SERPINI1: variants seen among roughly 807,000 people sequenced by gnomAD.
The protein encoded by SERPINI1 is neuroserpin.
A neutral mutation model predicts 41.1 loss-of-function variants in SERPINI1; 19 were observed. The observed-to-expected ratio is 0.46, with a 90% CI of 0.32 to 0.68. The LOEUF is 0.68. Among genes scored for constraint, SERPINI1 ranks in the 30% least tolerant of loss-of-function variants. The pLI is 0.03. For synonymous variants in SERPINI1, 138 were observed against 156.6 expected (o/e 0.88, Z 0.89); for missense variants, 460 against 479.2 (o/e 0.96, Z 0.37).
intron 5 of SERPINI1, among the ~76,000 whole-genome samples, chr3:167,796,009 A>G (rs916347956): frequency 6.6e-6 from 1 of 152,160 alleles, no homozygotes; most frequent in Non-Finnish European, 1.5e-5. Context: ...TTGTTCAAGT[A>G]TGATTAATTA....
intron 1 of SERPINI1, among the ~76,000 whole-genome samples, chr3:167,763,377 G>A (rs536876337): frequency 1.4e-5 from 2 of 143,650 alleles, no homozygotes; most frequent in East Asian, 2.0e-4. Context: ...GTGTGTGTGT[G>A]TATGTGTGTG....
At chr3:167,766,332 G>A (rs1161205819) in intron 1 of SERPINI1, among the ~76,000 whole-genome samples, 1 of 152,092 alleles carries the variant, frequency 6.6e-6, no homozygotes, top group Non-Finnish European at 1.5e-5. Flanking sequence ...TATATGGATG[G>A]CAGCAGGCAA....
chr3:167,789,860 T>G (rs1397955585), intron 2 of SERPINI1, among the ~76,000 whole-genome samples: 1 of 152,168 alleles, frequency 6.6e-6, no homozygotes, highest in Non-Finnish European at 1.5e-5. Context: ...GGGGGAAATT[T>G]CTAGCCTAAT....
chr3:167,806,845 A>T (rs926718700), intron 5 of SERPINI1, among the ~76,000 whole-genome samples: 12 of 139,612 alleles, frequency 8.6e-5, no homozygotes, highest in African/African-American at 3.2e-4. Flanking sequence ...ATGATTAGTC[A>T]TCTCCAGCTT....
In SERPINI1 at chr3:167,771,856, C is replaced by T. The variant is rs531842810; in HGVS notation, c.-18-17255C>T. Among the ~76,000 whole-genome samples, 62 of 152,276 alleles carry T rather than the reference C, an allele frequency of 4.1e-4. No individual in the cohort carries two copies. The East Asian group carries it at 4.4e-3, about 11-fold the overall frequency. ...GCGCGTGTGTGTGTGTGCGCGCACG[C>T]GCACGCACATGCACACATGGAATTT... On this transcript the variant is annotated intron_variant, in intron 1 of 8. Transcript: ENST00000446050.
chr3:167,778,799 GAGTT>G (rs773165599), intron 1 of SERPINI1, among the ~76,000 whole-genome samples: 12 of 152,194 alleles, frequency 7.9e-5, no homozygotes, highest in Non-Finnish European at 1.5e-4. Flanking sequence ...AACAAGAAAG[GAGTT>G]AGTCTGGGGA....
At chr3:167,755,104 C>T (rs771693194) in intron 1 of SERPINI1, among the ~76,000 whole-genome samples, 1 of 152,168 alleles carries the variant, frequency 6.6e-6, no homozygotes, top group Non-Finnish European at 1.5e-5. Flanking sequence ...ACAATCCTAC[C>T]AGGTTACTGG....
chr3:167,816,661 G>A (rs919570485), intron 6 of SERPINI1, among the ~76,000 whole-genome samples: 29 of 152,254 alleles, frequency 1.9e-4, no homozygotes, highest in African/African-American at 6.7e-4. Context: ...GAAGAGGGAA[G>A]CATCAGTGCA....
chr3:167,751,675 T>C (rs928698025), intron 1 of SERPINI1, among the ~76,000 whole-genome samples: 3 of 152,128 alleles, frequency 2.0e-5, no homozygotes, highest in Admixed American at 1.3e-4. Context: ...ATTTTCAGGC[T>C]GTCAACTCAA....
chr3:167,811,694 A>G (rs993728735), intron 6 of SERPINI1, among the ~76,000 whole-genome samples: 4 of 152,032 alleles, frequency 2.6e-5, no homozygotes, highest in Non-Finnish European at 5.9e-5. Context: ...TAAAATTGTT[A>G]CTTAAAAATT....
intron 1 of SERPINI1, among the ~76,000 whole-genome samples, chr3:167,740,876 T>C (rs1725657554): frequency 6.6e-6 from 1 of 152,218 alleles, no homozygotes; most frequent in Non-Finnish European, 1.5e-5. Flanking sequence ...CCCTACACGA[T>C]TTCCATTACT....
chr3:167,770,565 AT>A (rs986944032), intron 1 of SERPINI1, among the ~76,000 whole-genome samples: 11 of 151,946 alleles, frequency 7.2e-5, no homozygotes, highest in Admixed American at 5.9e-4. Context: ...AATTAGTCTA[AT>A]TTTTTTAAAG....
intron 1 of SERPINI1, among the ~76,000 whole-genome samples, chr3:167,779,273 C>G (rs968333977): frequency 6.6e-6 from 1 of 152,050 alleles, no homozygotes; most frequent in African/African-American, 2.4e-5. Flanking sequence ...CATACAAATG[C>G]AAAACGAACA....
In SERPINI1 at chr3:167,792,585, A is replaced by G. The variant is rs1382961035; in HGVS notation, c.482-5A>G. ...ATTTTTATCTATTCATTTTTTCCTA[A>G]ATAGATCTGGTGAAAGATTTGGTAT... On this transcript the variant is annotated splice_polypyrimidine_tract_variant and splice_region_variant and intron_variant, in intron 3 of 8. Transcript: ENST00000446050. The G allele has an allele frequency of 2.5e-6, 4 of 1,612,264 alleles. No homozygotes were observed. The highest frequency in any genetic ancestry group is 3.4e-6 in the Non-Finnish European group (4 of 1,179,132).
At chr3:167,763,118 G>C (rs1338360702) in intron 1 of SERPINI1, among the ~76,000 whole-genome samples, 2 of 152,064 alleles carry the variant, frequency 1.3e-5, no homozygotes, top group African/African-American at 2.4e-5. Context: ...GTGCAGACTT[G>C]GGCCAAGCAG....
At chr3:167,744,257 G>C (rs1725769542) in intron 1 of SERPINI1, among the ~76,000 whole-genome samples, 2 of 152,010 alleles carry the variant, frequency 1.3e-5, no homozygotes, top group African/African-American at 4.8e-5. Context: ...TTGACATAAT[G>C]AGATTTTACA....
intron 1 of SERPINI1, among the ~76,000 whole-genome samples, 187 bp from the exon 2 acceptor site, chr3:167,788,924 C>A (rs1387546011): frequency 1.3e-5 from 2 of 152,182 alleles, no homozygotes; most frequent in Non-Finnish European, 2.9e-5. Context: ...ACTATACATA[C>A]TCTTAACCCC....
intron 1 of SERPINI1, among the ~76,000 whole-genome samples, chr3:167,786,528 GACTT>G (rs1727319349): frequency 9.6e-6 from 1 of 104,092 alleles, no homozygotes. Context: ...AAAAAAAAAA[GACTT>G]AAAGAAGATA....
intron 1 of SERPINI1, among the ~76,000 whole-genome samples, chr3:167,766,323 A>T (rs1726566283): frequency 6.6e-6 from 1 of 151,942 alleles, no homozygotes; most frequent in Non-Finnish European, 1.5e-5. Flanking sequence ...CTCACATCTT[A>T]TATGGATGGC....
Sources: allele counts gnomAD v4.1 joint callset (sites outside exome capture counted in the v4.1 genomes callset), GRCh38; gene constraint gnomAD v4.1.1; transcripts MANE v1.5; gene names NCBI Gene and HGNC (gene_info 2026-07-23, HGNC 2026-07-21).